The following RGS6 variants were observed in gnomAD, a reference collection of about 807,000 sequenced individuals.
RGS6 encodes the protein regulator of G protein signaling 6.
Under a neutral mutation model 78.5 loss-of-function variants are expected in RGS6, and 30 were observed. That is an observed-to-expected ratio of 0.38 (90% CI 0.29 to 0.52). RGS6 has a LOEUF of 0.52. RGS6 is among the 20% of genes least tolerant of loss of function. RGS6 has a pLI of 0.85. For missense variants in RGS6, 495 were observed against 609.7 expected (o/e 0.81, Z 1.98); for synonymous variants, 206 against 206.0 (o/e 1.00, Z 0.00).
chr14:72,290,510 G>T (rs1208993940), intron 2 of RGS6, among the ~76,000 whole-genome samples: 2 of 152,162 alleles, frequency 1.3e-5, no homozygotes, highest in Non-Finnish European at 2.9e-5. Flanking sequence ...CCCTCGAAAT[G>T]GGTCCTTGGT....
chr14:72,036,417 T>G (rs1321578719), intron 2 of RGS6, among the ~76,000 whole-genome samples: 1 of 152,138 alleles, frequency 6.6e-6, no homozygotes, highest in East Asian at 1.9e-4. Flanking sequence ...CTTAGGTAAT[T>G]CCTAGAAGTA....
chr14:72,393,475 A>T (rs2090473040), intron 3 of RGS6, among the ~76,000 whole-genome samples: 1 of 152,176 alleles, frequency 6.6e-6, no homozygotes, highest in African/African-American at 2.4e-5. Context: ...CCAGGGATCT[A>T]GTCTAATCCT....
intron 3 of RGS6, among the ~76,000 whole-genome samples, chr14:72,419,668 C>T (rs1169531560): frequency 6.6e-6 from 1 of 152,178 alleles, no homozygotes; most frequent in Admixed American, 6.5e-5. Context: ...AGTCATGCCC[C>T]TGGAGACCTG....
chr14:72,224,653 T>G (rs2047681665), intron 2 of RGS6, among the ~76,000 whole-genome samples: 1 of 152,204 alleles, frequency 6.6e-6, no homozygotes. Context: ...TAAGTTTTTT[T>G]AGGACACTGT....
the RGS6 span, among the ~76,000 whole-genome samples, chr14:71,873,059 G>A: frequency 1.4e-4 from 22 of 152,244 alleles, no homozygotes; most frequent in South Asian, 4.6e-3. Context: ...CATTTGGGTT[G>A]GTTTCAAGTC....
chr14:72,161,613 C>T (rs2096854534), intron 2 of RGS6, among the ~76,000 whole-genome samples: 3 of 152,192 alleles, frequency 2.0e-5, no homozygotes, highest in South Asian at 2.1e-4. Flanking sequence ...GGGCTCAAAA[C>T]AGACACTGTG....
chr14:72,000,174 G>A (rs1415254600), intron 2 of RGS6, among the ~76,000 whole-genome samples: 2 of 152,174 alleles, frequency 1.3e-5, no homozygotes, highest in Non-Finnish European at 1.5e-5. Context: ...ACAGAATTTT[G>A]TGTAAGTCAG....
intron 14 of RGS6, among the ~76,000 whole-genome samples, chr14:72,510,845 C>T (rs1009910913): frequency 9.2e-5 from 14 of 152,192 alleles, no homozygotes; most frequent in Non-Finnish European, 2.1e-4. Flanking sequence ...ATAGTGGTTA[C>T]TCTGATCATC....
At chr14:72,093,564 A>G (rs2095332182) in intron 2 of RGS6, among the ~76,000 whole-genome samples, 1 of 152,168 alleles carries the variant, frequency 6.6e-6, no homozygotes, top group South Asian at 2.1e-4. Flanking sequence ...ATTTTAAAAC[A>G]ATATAAGTAT....
intron 2 of RGS6, among the ~76,000 whole-genome samples, chr14:72,201,051 G>A (rs2041453888): frequency 1.3e-5 from 2 of 152,048 alleles, no homozygotes; most frequent in East Asian, 1.9e-4. Context: ...GCCTGAGTTG[G>A]CATTGCTCAC....
chr14:71,986,372 T>A (rs1303330087), intron 2 of RGS6, among the ~76,000 whole-genome samples: 4 of 152,154 alleles, frequency 2.6e-5, no homozygotes, highest in Admixed American at 6.5e-5. Context: ...CTGGATTAGT[T>A]TCCTATTGCT....
chr14:72,224,501 G>C (rs1290301556), intron 2 of RGS6, among the ~76,000 whole-genome samples: 3 of 151,646 alleles, frequency 2.0e-5, no homozygotes, highest in Non-Finnish European at 1.5e-5. Flanking sequence ...GTTTTTTCTT[G>C]CTCTGTGTGG....
At chr14:72,159,598 G>T (rs1420474883) in intron 2 of RGS6, among the ~76,000 whole-genome samples, 2 of 152,190 alleles carry the variant, frequency 1.3e-5, no homozygotes, top group African/African-American at 2.4e-5. Context: ...GTGGAATTTA[G>T]TTGCCTCAGA....
At chr14:71,956,586 G>C (rs1438701112) in intron 1 of RGS6, among the ~76,000 whole-genome samples, 1 of 151,976 alleles carries the variant, frequency 6.6e-6, no homozygotes, top group African/African-American at 2.4e-5. Context: ...AGGCTGGGAG[G>C]CTAGGTCAGT....
chr14:71,996,419 A>G (rs889704640), intron 2 of RGS6, among the ~76,000 whole-genome samples: 4 of 152,148 alleles, frequency 2.6e-5, no homozygotes, highest in Admixed American at 2.6e-4. Context: ...TCCTGCCTGT[A>G]AGAGATGTGC....
chr14:72,411,508 G>T (rs1252339868), intron 3 of RGS6, among the ~76,000 whole-genome samples: 1 of 152,186 alleles, frequency 6.6e-6, no homozygotes, highest in Non-Finnish European at 1.5e-5. Flanking sequence ...CATGTCATCT[G>T]CAAACAGGGA....
chr14:72,522,295 C>T (rs1269926970), intron 15 of RGS6, among the ~76,000 whole-genome samples: 4 of 152,200 alleles, frequency 2.6e-5, no homozygotes, highest in Non-Finnish European at 4.4e-5. Context: ...CTCATGACCT[C>T]ATTTGAACCT....
intron 2 of RGS6, among the ~76,000 whole-genome samples, chr14:72,232,004 C>T (rs576536967): frequency 2.0e-5 from 3 of 152,054 alleles, no homozygotes; most frequent in East Asian, 1.9e-4. Flanking sequence ...TTTTGGAGGC[C>T]GTATGAGGCT....
Position 72,501,435 on chromosome 14 carries a change from C to T in RGS6, c.965+6173C>T, listed in dbSNP as rs2010394. 9.1e-3 allele frequency among the ~76,000 whole-genome samples: 1,385 copies of T among 152,290 alleles called. 22 individuals are homozygous for T. The highest frequency in any genetic ancestry group is 0.031 in the African/African-American group (1,271 of 41,546). ...ACTGTTTTAAAGGATGGGCAAACTA[C>T]ACCTCAAGTTTATGCAACATAGTGA... On this transcript the variant is annotated intron_variant, in intron 13 of 17. Transcript: ENST00000553525.
Sources: gnomAD v4.1 joint callset for allele counts (sites outside exome capture counted in the v4.1 genomes callset) on GRCh38, gnomAD v4.1.1 for gene constraint, MANE v1.5 for transcripts, NCBI Gene and HGNC (gene_info 2026-07-23, HGNC 2026-07-21) for gene names.